ITGA1: variants seen among roughly 807,000 people sequenced by gnomAD.
The protein encoded by ITGA1 is integrin alpha-1.
ITGA1 carries 85 observed loss-of-function variants against 145.9 expected under a neutral mutation model. That is an observed-to-expected ratio of 0.58 (90% CI 0.49 to 0.70). The LOEUF (loss-of-function observed/expected upper bound fraction) is 0.70. Among genes scored for constraint, ITGA1 ranks in the 30% least tolerant of loss-of-function variants. The probability of loss-of-function intolerance (pLI) is 0.00; values close to 1 mark genes in which losing one functional copy is unlikely to be tolerated. For synonymous variants in ITGA1, 520 were observed against 495.3 expected (o/e 1.05, Z -0.66); for missense variants, 1,351 against 1,418.7 (o/e 0.95, Z 0.77).
intron 8 of ITGA1, 138 bp downstream of exon 8, chr5:52,888,103 A>ATCCAAGTCTGTCCTC: frequency 2.5e-6 from 2 of 807,590 alleles, no homozygotes; most frequent in Non-Finnish European, 3.7e-6. Flanking sequence ...CCCTGGGAGG[A>ATCCAAGTCTGTCCTC]CAGACTTGGA....
chr5:52,792,911 C>G (rs1327238814), intron 1 of ITGA1, among the ~76,000 whole-genome samples: 1 of 152,126 alleles, frequency 6.6e-6, no homozygotes, highest in Non-Finnish European at 1.5e-5. Context: ...AAAGCAAGTA[C>G]AGTAGAGTAT....
chr5:52,908,766 A>C, intron 12 of ITGA1, 132 bp from the exon 13 acceptor site: 2 of 904,778 alleles, frequency 2.2e-6, no homozygotes, highest in East Asian at 2.5e-5. Flanking sequence ...AGGGAGCATC[A>C]ATTTTTATCT....
chr5:52,951,648 C>T (rs1169158213), intron 28 of ITGA1, among the ~76,000 whole-genome samples: 1 of 152,036 alleles, frequency 6.6e-6, no homozygotes, highest in African/African-American at 2.4e-5. Context: ...AGAAATCTCC[C>T]TAACGCCCTA....
chr5:52,793,556 G>C (rs1054622514), intron 1 of ITGA1, among the ~76,000 whole-genome samples: 1 of 152,066 alleles, frequency 6.6e-6, no homozygotes, highest in Non-Finnish European at 1.5e-5. Context: ...ATGTGCGTCT[G>C]AAAATTACAA....
chr5:52,800,545 T>G, intron 1 of ITGA1: 1 of 1,613,798 alleles, frequency 6.2e-7, no homozygotes, highest in Non-Finnish European at 8.5e-7. Flanking sequence ...ACAGACAGAG[T>G]CCTCCACGGG....
intron 1 of ITGA1, among the ~76,000 whole-genome samples, 159 bp from the exon 2 acceptor site, chr5:52,849,206 G>A (rs936295984): frequency 1.3e-5 from 2 of 152,182 alleles, no homozygotes; most frequent in African/African-American, 4.8e-5. Context: ...TAGTAATACA[G>A]TTAAGAGTGG....
intron 6 of ITGA1, chr5:52,866,966 A>C (rs1749696874): frequency 1.3e-5 from 2 of 151,644 alleles, no homozygotes; most frequent in South Asian, 4.1e-4. Flanking sequence ...GGCTGTAGAG[A>C]GCATAGGAGA....
chr5:52,819,549 C>A (rs1748833675), intron 1 of ITGA1, among the ~76,000 whole-genome samples: 1 of 152,026 alleles, frequency 6.6e-6, no homozygotes, highest in South Asian at 2.1e-4. Flanking sequence ...GGATATTAGC[C>A]CTTTGTCAGA....
At chr5:52,876,787 G>A (rs1363046790) in intron 6 of ITGA1, among the ~76,000 whole-genome samples, 4 of 152,138 alleles carry the variant, frequency 2.6e-5, no homozygotes, top group Admixed American at 2.0e-4. Context: ...TCAAACAGTT[G>A]AGAAGAATGC....
At chr5:52,938,289 C>T (rs1751001962) in intron 24 of ITGA1, among the ~76,000 whole-genome samples, 1 of 152,078 alleles carries the variant, frequency 6.6e-6, no homozygotes, top group Non-Finnish European at 1.5e-5. Flanking sequence ...CAAATAATAG[C>T]AATATTGCAC....
chr5:52,898,256 A>T lies in ITGA1; in HGVS notation c.1182A>T (p.Gly394=), dbSNP rs1476438287. The T allele has an allele frequency of 1.9e-6, 3 of 1,594,886 alleles. No individual in the cohort carries two copies. The highest frequency in any genetic ancestry group is 4.5e-5 in the East Asian group (2 of 44,594). ...CATGTAAGGACTGGGTCATGCTTGGAGCAGTAGGAGCCTATGATTGGAATG... is the reference window on the plus strand; with the variant it reads ...CATGTAAGGACTGGGTCATGCTTGGTGCAGTAGGAGCCTATGATTGGAATG... The part of the protein sequence containing the change: ...AHYSQDWVML[G]AVGAYDWNGT... The change falls in exon 11 of 29, where the codon GGA becomes GGT. Residue 394 remains glycine, a synonymous_variant. Coordinates refer to ENST00000282588, the MANE Select transcript of ITGA1 (RefSeq NM_181501.2).
intron 6 of ITGA1, among the ~76,000 whole-genome samples, chr5:52,874,744 G>A (rs977943642): frequency 2.0e-5 from 3 of 152,128 alleles, no homozygotes; most frequent in Admixed American, 1.3e-4. Context: ...TCACTGAAAT[G>A]TTGTTCCTGA....
intron 27 of ITGA1, among the ~76,000 whole-genome samples, chr5:52,946,268 C>T (rs1335991696): frequency 1.3e-5 from 2 of 152,112 alleles, no homozygotes. Context: ...CTTAGTGGCT[C>T]ATGTCTGTCA....
intron 1 of ITGA1, among the ~76,000 whole-genome samples, chr5:52,827,125 G>T (rs1748981505): frequency 6.7e-6 from 1 of 148,458 alleles, no homozygotes; most frequent in South Asian, 2.1e-4. Context: ...ATGGGAGGAG[G>T]TCAAAAGATC....
At chr5:52,819,959 T>C (rs987496263) in intron 1 of ITGA1, among the ~76,000 whole-genome samples, 2 of 152,122 alleles carry the variant, frequency 1.3e-5, no homozygotes, top group Admixed American at 1.3e-4. Context: ...GATGGTTAGA[T>C]ATGTGGCATT....
intron 2 of ITGA1, among the ~76,000 whole-genome samples, chr5:52,853,367 A>G (rs1749457350): frequency 2.0e-5 from 3 of 152,214 alleles, no homozygotes; most frequent in South Asian, 2.1e-4. Context: ...ACTTCGAGAA[A>G]TGTGCTACAG....
intron 20 of ITGA1, 111 bp downstream of exon 20, chr5:52,927,775 T>C (rs1750834209): frequency 2.8e-6 from 2 of 715,976 alleles, no homozygotes; most frequent in South Asian, 2.0e-5. Context: ...GGATGAAAAA[T>C]GTTCAGTTCA....
chr5:52,796,453 T>C (rs1748345474), intron 1 of ITGA1, among the ~76,000 whole-genome samples: 1 of 151,988 alleles, frequency 6.6e-6, no homozygotes, highest in Admixed American at 6.5e-5. Flanking sequence ...AATACATAAG[T>C]ATAAAATTAG....
chr5:52,861,421 T>C, intron 2 of ITGA1, 26 bp from the exon 3 acceptor site: 1 of 1,405,230 alleles, frequency 7.1e-7, no homozygotes, highest in South Asian at 1.2e-5. Context: ...TGTTCAAAAA[T>C]GTTTACTGAT....
Sources: gnomAD v4.1 joint callset for allele counts (sites outside exome capture counted in the v4.1 genomes callset) on GRCh38, gnomAD v4.1.1 for gene constraint, MANE v1.5 for transcripts, NCBI Gene and HGNC (gene_info 2026-07-23, HGNC 2026-07-21) for gene names.